The following KCNIP4 variants were observed in gnomAD, a reference collection of about 807,000 sequenced individuals.
KCNIP4 encodes Kv channel-interacting protein 4.
In KCNIP4, 12 loss-of-function variants were observed where a neutral mutation model predicts 34.0. That is an observed-to-expected ratio of 0.35 (90% CI 0.23 to 0.57). The LOEUF (loss-of-function observed/expected upper bound fraction) is 0.57, where lower values mean the gene tolerates loss of function less well. KCNIP4 is among the 20% of genes least tolerant of loss of function. The probability of loss-of-function intolerance (pLI) is 0.83; values close to 1 mark genes in which losing one functional copy is unlikely to be tolerated. For synonymous variants in KCNIP4, 124 were observed against 102.2 expected, an observed-to-expected ratio of 1.21 and a Z score of -1.29; for missense variants, 238 against 311.7, an observed-to-expected ratio of 0.76 and a Z score of 1.78.
chr4:21,911,604 TCACACA>T (rs149500330), intron 1 of KCNIP4, among the ~76,000 whole-genome samples: 7,817 of 129,748 alleles, frequency 0.06, 306 homozygotes, highest in Non-Finnish European at 0.073. Flanking sequence ...GAATTGATAT[TCACACA>T]CACACACACA....
rs141116815 is a variant in KCNIP4, at chr4:21,341,650, T to G, written c.62-458941A>C. On this transcript the variant is annotated intron_variant, in intron 1 of 8. Coordinates refer to ENST00000382152, the MANE Select transcript of KCNIP4 (RefSeq NM_025221.6). ...AGTATGACATGATGACAATATCTCCTTCTTGAAACACTTAAATTAAATCAT... is the reference window on the plus strand; with the variant it reads ...AGTATGACATGATGACAATATCTCCGTCTTGAAACACTTAAATTAAATCAT... 3.4e-3 allele frequency among the ~76,000 whole-genome samples: 524 copies of G among 152,258 alleles called. 1 individual carries two copies. Among genetic ancestry groups the G allele is most frequent in the African/African-American group, 0.012 (491 of 41,562 alleles).
intron 1 of KCNIP4, among the ~76,000 whole-genome samples, chr4:21,399,040 AG>A (rs1723246085): frequency 6.6e-6 from 1 of 152,218 alleles, no homozygotes; most frequent in Admixed American, 6.5e-5. Context: ...GTGTGGCAAA[AG>A]GGTTTTCTTT....
intron 1 of KCNIP4, among the ~76,000 whole-genome samples, chr4:21,439,199 A>T (rs1048864321): frequency 6.6e-6 from 1 of 151,490 alleles, no homozygotes; most frequent in Non-Finnish European, 1.5e-5. Context: ...AGAAGCCAAC[A>T]AGAGGGAGGT....
chr4:21,093,556 G>GA (rs11292454), intron 1 of KCNIP4, among the ~76,000 whole-genome samples: 9 of 150,836 alleles, frequency 6.0e-5, no homozygotes, highest in Admixed American at 1.3e-4. Context: ...AAGAAATATG[G>GA]AAAAAAAAAT....
In KCNIP4 at chr4:21,040,599, A is replaced by G. The variant is rs568615279; in HGVS notation, c.62-157890T>C. On this transcript the variant is annotated intron_variant, in intron 1 of 8. Coordinates refer to ENST00000382152, the MANE Select transcript of KCNIP4 (RefSeq NM_025221.6). ...GTTGTCTCAAACCTAAAATTGAAACAGTACCTTCATAATAAAACCTTCCTT... is the reference window on the plus strand; with the variant it reads ...GTTGTCTCAAACCTAAAATTGAAACGGTACCTTCATAATAAAACCTTCCTT... Among the ~76,000 whole-genome samples, 4 of 152,302 alleles carry G rather than the reference A, an allele frequency of 2.6e-5. No homozygotes were observed. The East Asian group carries it at 7.7e-4, about 29-fold the overall frequency.
At chr4:21,459,798 T>C (rs57335220) in intron 1 of KCNIP4, among the ~76,000 whole-genome samples, 11,227 of 152,096 alleles carry the variant, frequency 0.074, 710 homozygotes, top group African/African-American at 0.17. Context: ...GAGCCAGTTC[T>C]GTCAGGACTA....
chr4:21,943,866 G>A (rs1730344319), intron 1 of KCNIP4, among the ~76,000 whole-genome samples: 1 of 151,786 alleles, frequency 6.6e-6, no homozygotes, highest in Non-Finnish European at 1.5e-5. Flanking sequence ...GGAAATTGAA[G>A]GAAGAGACAG....
intron 1 of KCNIP4, among the ~76,000 whole-genome samples, chr4:21,092,544 C>T (rs954360375): frequency 6.6e-6 from 1 of 152,286 alleles, no homozygotes; most frequent in South Asian, 2.1e-4. Flanking sequence ...AAATGAGAGC[C>T]ATTTGTTTAA....
chr4:21,013,713 G>T (rs372014512), intron 1 of KCNIP4, among the ~76,000 whole-genome samples: 2 of 152,186 alleles, frequency 1.3e-5, no homozygotes, highest in African/African-American at 4.8e-5. Flanking sequence ...TGTGGTGGAT[G>T]TCAGTGTCTA....
At chr4:20,960,024 GAGT>G (rs1453238967) in intron 1 of KCNIP4, among the ~76,000 whole-genome samples, 27 of 152,254 alleles carry the variant, frequency 1.8e-4, no homozygotes, top group African/African-American at 6.5e-4. Flanking sequence ...ATCAGGCATA[GAGT>G]AGACAGACTG....
chr4:21,450,201 T>C (rs1728396065), intron 1 of KCNIP4, among the ~76,000 whole-genome samples: 1 of 152,090 alleles, frequency 6.6e-6, no homozygotes, highest in African/African-American at 2.4e-5. Context: ...AAACCTGGAG[T>C]ATCATCTTTC....
At chr4:21,291,869 AAG>A (rs1191443714) in intron 1 of KCNIP4, among the ~76,000 whole-genome samples, 22 of 11,758 alleles carry the variant, frequency 1.9e-3, no homozygotes, top group South Asian at 3.3e-3. Context: ...AAAAAAAAAA[AAG>A]AAAGAAAGAA....
intron 1 of KCNIP4, among the ~76,000 whole-genome samples, chr4:21,620,257 C>A (rs1040590208): frequency 3.9e-5 from 6 of 152,142 alleles, no homozygotes; most frequent in African/African-American, 1.4e-4. Flanking sequence ...AATCCCAATA[C>A]TTTGAAAGGC....
intron 1 of KCNIP4, among the ~76,000 whole-genome samples, chr4:21,091,178 G>A (rs1051309731): frequency 1.3e-5 from 2 of 152,096 alleles, no homozygotes; most frequent in African/African-American, 4.8e-5. Flanking sequence ...GAATTCATGT[G>A]TCTCTTCATT....
chr4:21,715,993 A>G (rs556963960), intron 1 of KCNIP4, among the ~76,000 whole-genome samples: 1 of 152,336 alleles, frequency 6.6e-6, no homozygotes, highest in South Asian at 2.1e-4. Flanking sequence ...TTCAAGATCA[A>G]CATTAAAGTG....
intron 1 of KCNIP4, among the ~76,000 whole-genome samples, chr4:21,733,167 G>A (rs1034341744): frequency 1.3e-5 from 2 of 151,942 alleles, no homozygotes; most frequent in African/African-American, 2.4e-5. Context: ...TTTTTTATGC[G>A]CCAATCCCAA....
chr4:20,919,461 C>T (rs6836783), intron 1 of KCNIP4, among the ~76,000 whole-genome samples: 132,616 of 151,492 alleles, frequency 0.88, 58,382 homozygotes, highest in African/African-American at 0.97. Context: ...CCCAGCACTT[C>T]GGGAGGCCGA....
intron 1 of KCNIP4, among the ~76,000 whole-genome samples, chr4:21,538,981 G>C (rs919481300): frequency 6.6e-6 from 1 of 152,110 alleles, no homozygotes; most frequent in Admixed American, 6.5e-5. Context: ...TCTCCATGCT[G>C]TTCTCCTGAC....
chr4:21,925,608 TC>T (rs941219546), intron 1 of KCNIP4, among the ~76,000 whole-genome samples: 1 of 152,096 alleles, frequency 6.6e-6, no homozygotes, highest in Non-Finnish European at 1.5e-5. Flanking sequence ...AAATTCCTTT[TC>T]CCCCCACCCT....
Sources: allele counts gnomAD v4.1 joint callset (sites outside exome capture counted in the v4.1 genomes callset), GRCh38; gene constraint gnomAD v4.1.1; transcripts MANE v1.5; gene names NCBI Gene and HGNC (gene_info 2026-07-23, HGNC 2026-07-21).